OSBPL3: variants seen among roughly 807,000 people sequenced by gnomAD.
The protein encoded by OSBPL3 is oxysterol-binding protein-related protein 3.
OSBPL3 carries 65 observed loss-of-function variants against 120.1 expected under a neutral mutation model. That is an observed-to-expected ratio of 0.54 (90% CI 0.44 to 0.67). The LOEUF (loss-of-function observed/expected upper bound fraction) is 0.67. Among genes scored for constraint, OSBPL3 ranks in the 30% least tolerant of loss-of-function variants. The pLI, the probability that OSBPL3 is intolerant of heterozygous loss-of-function variation, is 0.00. For missense variants in OSBPL3, 1,004 were observed against 1,082.1 expected, an observed-to-expected ratio of 0.93 and a Z score of 1.01; for synonymous variants, 416 against 402.6, an observed-to-expected ratio of 1.03 and a Z score of -0.40.
At chr7:24,935,044 T>C (rs756409989) in intron 1 of OSBPL3, among the ~76,000 whole-genome samples, 15 of 152,136 alleles carry the variant, frequency 9.9e-5, no homozygotes, top group African/African-American at 1.4e-4. Flanking sequence ...ATAAGGTTGT[T>C]TGTACTAGTA....
chr7:24,852,600 C>A lies in OSBPL3; in HGVS notation c.1062G>T (p.Met354Ile). 6.2e-7 allele frequency: 1 copy of A among 1,606,834 alleles called. No homozygotes were observed. Among genetic ancestry groups the A allele is most frequent in the Non-Finnish European group, 8.5e-7 (1 of 1,177,500 alleles). Residue 354 changes from methionine to isoleucine, a missense_variant, in exon 11 of 23, where the codon ATG (methionine) becomes ATT (isoleucine). Coordinates refer to ENST00000313367, the MANE Select transcript of OSBPL3 (RefSeq NM_015550.4). This position sits in a 1 kb window ranked among gnomAD's most constrained non-coding sequence, Gnocchi z 4.1. ...YFTLRSAFNI[M>I]SAEREKLKQL... Reference sequence around the variant, plus strand: ...GCTTCAGTTTCTCTCTCTCCGCTGACATGATATTAAAAGCTGACCTTAAAG... The same window carrying A: ...GCTTCAGTTTCTCTCTCTCCGCTGAAATGATATTAAAAGCTGACCTTAAAG...
Position 24,806,707 on chromosome 7 carries a change from G to A in OSBPL3, c.2444+69C>T, listed in dbSNP as rs942047552. 7 of 1,472,776 alleles carry A rather than the reference G, an allele frequency of 4.8e-6. No homozygotes were observed. In the South Asian group the frequency reaches 8.9e-5, roughly 19 times the overall value. The allele number at this position is 1,472,776 out of a possible 1,614,324, so 91.2% of individuals were successfully genotyped here. Reference sequence around the variant, plus strand: ...TCTCAGGTGCCTCTGGTGGCCTAAGGATTGTTAATAAGACTTTTTGTAAAG... The same window carrying A: ...TCTCAGGTGCCTCTGGTGGCCTAAGAATTGTTAATAAGACTTTTTGTAAAG... On this transcript the variant is annotated intron_variant, in intron 21 of 22. Coordinates refer to ENST00000313367, the MANE Select transcript of OSBPL3 (RefSeq NM_015550.4). The surrounding 1 kb of genome is among the most constrained non-coding windows in gnomAD (Gnocchi z 5.2).
intron 2 of OSBPL3, among the ~76,000 whole-genome samples, chr7:24,890,542 C>T (rs1340083295): frequency 6.6e-6 from 1 of 152,198 alleles, no homozygotes; most frequent in Non-Finnish European, 1.5e-5. Flanking sequence ...GACAGAACAC[C>T]TTTCTTCGAC....
At position 24,955,670 on chromosome 7, in the gene OSBPL3, T is replaced by C. The variant is rs1814961445; in HGVS notation, c.-150+24216A>G. Among the ~76,000 whole-genome samples the C allele has an allele frequency of 6.6e-6, 1 of 152,228 alleles. No homozygotes were observed. The highest frequency in any genetic ancestry group is 2.1e-4 in the South Asian group (1 of 4,832). ...TGTCCCCTATACACTCTAACCTACT[T>C]ATCCCTGCTTTAATGTTCTCCACAG... On this transcript the variant is annotated intron_variant, in intron 1 of 22. Coordinates refer to ENST00000313367, the MANE Select transcript of OSBPL3 (RefSeq NM_015550.4). This position sits in a 1 kb window ranked among gnomAD's most constrained non-coding sequence, Gnocchi z 4.3.
intron 1 of OSBPL3, among the ~76,000 whole-genome samples, chr7:24,969,127 ACC>A (rs1816723148): frequency 3.3e-5 from 5 of 152,350 alleles, no homozygotes; most frequent in Admixed American, 2.0e-4. Flanking sequence ...ATGTATGAAT[ACC>A]TGTTTCTTCA....
intron 1 of OSBPL3, among the ~76,000 whole-genome samples, chr7:24,907,101 C>A (rs1197129627): frequency 1.3e-5 from 2 of 152,104 alleles, no homozygotes; most frequent in African/African-American, 4.8e-5. Flanking sequence ...CTGACCTCAT[C>A]ACCCCCCAAT....
intron 1 of OSBPL3, among the ~76,000 whole-genome samples, chr7:24,923,063 G>T (rs1447035317): frequency 6.6e-6 from 1 of 152,142 alleles, no homozygotes; most frequent in African/African-American, 2.4e-5. Context: ...CAGAATCAGA[G>T]GTGGAACCAA....
intron 1 of OSBPL3, among the ~76,000 whole-genome samples, chr7:24,923,572 G>C (rs1453940091): frequency 6.6e-6 from 1 of 152,172 alleles, no homozygotes; most frequent in South Asian, 2.1e-4. Flanking sequence ...GGCAGAGAGA[G>C]GGAGGGAGAG....
intron 1 of OSBPL3, among the ~76,000 whole-genome samples, chr7:24,971,037 T>C (rs1248754359): frequency 2.0e-5 from 3 of 152,204 alleles, no homozygotes; most frequent in Non-Finnish European, 4.4e-5. Context: ...TGTCACCTAG[T>C]TATGTATAGA....
At chr7:24,893,028 T>C (rs1805601749) in intron 1 of OSBPL3, among the ~76,000 whole-genome samples, 1 of 152,218 alleles carries the variant, frequency 6.6e-6, no homozygotes, top group African/African-American at 2.4e-5. Flanking sequence ...AACTGTAAAA[T>C]GGCATAGCCG....
chr7:24,952,126 T>G lies in OSBPL3; in HGVS notation c.-150+27760A>C, dbSNP rs548350855. On this transcript the variant is annotated intron_variant, in intron 1 of 22. Transcript: ENST00000313367. The surrounding 1 kb of genome is among the most constrained non-coding windows in gnomAD (Gnocchi z 4.4). ...CAAGCTTCAAAAAAGGAGCTCAGACTTTGAGTAAAGTCTTAGTCTTGGAAT... is the reference window on the plus strand; with the variant it reads ...CAAGCTTCAAAAAAGGAGCTCAGACGTTGAGTAAAGTCTTAGTCTTGGAAT... 6.6e-6 allele frequency among the ~76,000 whole-genome samples: 1 copy of G among 152,272 alleles called. No homozygotes were observed. Among genetic ancestry groups the G allele is most frequent in the South Asian group, 2.1e-4 (1 of 4,822 alleles).
chr7:24,805,825 T>C lies in OSBPL3; in HGVS notation c.2444+951A>G, dbSNP rs1416327506. Among the ~76,000 whole-genome samples, 1 of 152,212 alleles carries C rather than the reference T, an allele frequency of 6.6e-6. No homozygotes were observed. The highest frequency in any genetic ancestry group is 1.5e-5 in the Non-Finnish European group (1 of 68,036). ...ACCTCCCTATGTCCATTTTTTCTAA[T>C]GGGTTGATCTGTTACTAGATTTCTA... On this transcript the variant is annotated intron_variant, in intron 21 of 22. Transcript: ENST00000313367. This position sits in a 1 kb window ranked among gnomAD's most constrained non-coding sequence, Gnocchi z 4.0.
chr7:24,836,830 C>T (rs538288906), intron 14 of OSBPL3, among the ~76,000 whole-genome samples: 1 of 152,168 alleles, frequency 6.6e-6, no homozygotes, highest in East Asian at 1.9e-4. Context: ...ATTTGTTTTG[C>T]TTTTTTAAAA....
rs771390353 is a variant in OSBPL3, at chr7:24,827,535, A to G, written c.1884+3233T>C. On this transcript the variant is annotated intron_variant, in intron 16 of 22. Coordinates refer to ENST00000313367, the MANE Select transcript of OSBPL3 (RefSeq NM_015550.4). The surrounding 1 kb of genome is among the most constrained non-coding windows in gnomAD (Gnocchi z 5.1). ...CACTTAGGATTCTCATTGGCTTCCC[A>G]AGTAATCTGCCTATGGGAAAATCAT... Among the ~76,000 whole-genome samples the G allele has an allele frequency of 7.9e-5, 12 of 152,218 alleles. No homozygotes were observed. Among genetic ancestry groups the G allele is most frequent in the Non-Finnish European group, 1.8e-4 (12 of 68,034 alleles).
intron 1 of OSBPL3, among the ~76,000 whole-genome samples, chr7:24,927,462 T>C (rs561714707): frequency 6.6e-6 from 1 of 152,330 alleles, no homozygotes; most frequent in East Asian, 1.9e-4. Context: ...TCTTGGGGTA[T>C]TATTTTACTT....
chr7:24,813,069 G>C lies in OSBPL3; in HGVS notation c.2172+1990C>G, dbSNP rs919398842. On this transcript the variant is annotated intron_variant, in intron 19 of 22. Coordinates refer to ENST00000313367, the MANE Select transcript of OSBPL3 (RefSeq NM_015550.4). This position sits in a 1 kb window ranked among gnomAD's most constrained non-coding sequence, Gnocchi z 4.5. The stretch of plus-strand genomic sequence containing the variant: ...AATTTTTAAATTTGTTGTAGAGATA[G>C]GGTCTTGTCAGATTGCCCAGGCTGG... Among the ~76,000 whole-genome samples, 15 of 152,096 alleles carry C rather than the reference G, an allele frequency of 9.9e-5. No homozygotes were observed. Among genetic ancestry groups the C allele is most frequent in the Admixed American group, 9.8e-4 (15 of 15,264 alleles).
At chr7:24,928,868 T>C (rs1160490654) in intron 1 of OSBPL3, among the ~76,000 whole-genome samples, 3 of 152,238 alleles carry the variant, frequency 2.0e-5, no homozygotes, top group Admixed American at 6.5e-5. Flanking sequence ...TGCTGCTGAG[T>C]AGCATTTTGT....
rs1192392586 is a variant in OSBPL3, at chr7:24,940,692, A to G, written c.-150+39194T>C. Among the ~76,000 whole-genome samples, 1 of 152,132 alleles carries G rather than the reference A, an allele frequency of 6.6e-6. No homozygotes were observed. The highest frequency in any genetic ancestry group is 1.5e-5 in the Non-Finnish European group (1 of 68,004). ...GGAACGGTGAATGAAGATGTCAGGT[A>G]AGTCCTCAATATAAGCACAGCAGAG... On this transcript the variant is annotated intron_variant, in intron 1 of 22. Transcript: ENST00000313367. The surrounding 1 kb of genome is among the most constrained non-coding windows in gnomAD (Gnocchi z 4.4).
chr7:24,862,807 A>C lies in OSBPL3; in HGVS notation c.870+393T>G, dbSNP rs542264916. Among the ~76,000 whole-genome samples, 3 of 152,206 alleles carry C rather than the reference A, an allele frequency of 2.0e-5. No homozygotes were observed. Among genetic ancestry groups the C allele is most frequent in the Admixed American group, 6.5e-5 (1 of 15,280 alleles). ...GGCCTGTGGGCTTAGAGGGATGACA[A>C]ATCCATGGAGCATCAGCGGAAGACA... is the stretch of plus-strand genomic sequence containing the variant. On this transcript the variant is annotated intron_variant, in intron 9 of 22. Transcript: ENST00000313367. This position sits in a 1 kb window ranked among gnomAD's most constrained non-coding sequence, Gnocchi z 4.4.
Sources: gnomAD v4.1 joint callset for allele counts (sites outside exome capture counted in the v4.1 genomes callset) on GRCh38, gnomAD v4.1.1 for gene constraint, Gnocchi (gnomAD v3.1) non-coding constraint, MANE v1.5 for transcripts, NCBI Gene and HGNC (gene_info 2026-07-23, HGNC 2026-07-21) for gene names.